The following MID1 variants were observed in gnomAD, a reference collection of about 807,000 sequenced individuals.
MID1 encodes E3 ubiquitin-protein ligase Midline-1.
Under a neutral mutation model 40.4 loss-of-function variants are expected in MID1, and 7 were observed. The ratio of observed to expected loss-of-function variants is 0.17; its 90% CI spans 0.10 to 0.33. The LOEUF is 0.33. Among genes scored for constraint, MID1 ranks in the 10% least tolerant of loss-of-function variants. The probability of loss-of-function intolerance (pLI) is 1.00; values close to 1 mark genes in which losing one functional copy is unlikely to be tolerated. For synonymous variants in MID1, 229 were observed against 221.2 expected, an observed-to-expected ratio of 1.04 and a Z score of -0.31; for missense variants, 367 against 558.5, an observed-to-expected ratio of 0.66 and a Z score of 3.46.
At chrX:10,696,235 G>GA (rs757883644) in intron 1 of MID1, among the ~76,000 whole-genome samples, 7 of 111,527 alleles carry the variant, frequency 6.3e-5, no homozygotes, top group Non-Finnish European at 1.3e-4. Flanking sequence ...CTAGAAAAGG[G>GA]AAAAATGCCT....
chrX:10,535,004 T>C (rs1242046603), intron 2 of MID1, among the ~76,000 whole-genome samples: 3 of 112,517 alleles, frequency 2.7e-5, no homozygotes, highest in African/African-American at 9.7e-5. Context: ...ACTCAGCCAT[T>C]TCCTCAACCT....
intron 8 of MID1, among the ~76,000 whole-genome samples, chrX:10,458,532 G>A (rs1928822122): frequency 8.9e-6 from 1 of 111,783 alleles, no homozygotes; most frequent in Admixed American, 9.5e-5. Flanking sequence ...GTTAATATTT[G>A]GGCAAACTGG....
chrX:10,763,146 T>G (rs1410532974), intron 1 of MID1, among the ~76,000 whole-genome samples: 2 of 110,476 alleles, frequency 1.8e-5, no homozygotes, highest in Non-Finnish European at 3.8e-5. Flanking sequence ...GTTTTTTTTT[T>G]TTTGCCCTTT....
chrX:10,495,020 G>A (rs977972486), intron 4 of MID1, among the ~76,000 whole-genome samples: 9 of 110,824 alleles, frequency 8.1e-5, no homozygotes, highest in Admixed American at 5.8e-4. Flanking sequence ...TAAAACAATA[G>A]GAAATTAAAA....
intron 1 of MID1, among the ~76,000 whole-genome samples, chrX:10,723,509 G>A (rs2043370882): frequency 8.8e-6 from 1 of 113,091 alleles, no homozygotes; most frequent in Non-Finnish European, 1.9e-5. Context: ...TTTTTAAAAT[G>A]TCATTTCAGG....
chrX:10,696,339 A>ACTGT (rs2043163759), intron 1 of MID1, among the ~76,000 whole-genome samples: 1 of 111,986 alleles, frequency 8.9e-6, no homozygotes, highest in Non-Finnish European at 1.9e-5. Context: ...AGCCCTCCCC[A>ACTGT]AGGGAAGAAG....
At chrX:10,623,328 AG>A (rs1352879883), upstream of MID1, among the ~76,000 whole-genome samples, 113 of 109,362 alleles carry the variant, frequency 1.0e-3, no homozygotes, top group Middle Eastern at 4.7e-3. Context: ...GAAGGAAGGA[AG>A]GAAGGAAGGG....
chrX:10,469,432 TTC>T (rs1412101854), intron 7 of MID1: 1 of 1,083,298 alleles, frequency 9.2e-7, no homozygotes, highest in Non-Finnish European at 1.2e-6. Context: ...ATATATTTGT[TTC>T]TCTCTATATA....
At chrX:10,487,957 T>C (rs1312439979) in intron 4 of MID1, among the ~76,000 whole-genome samples, 2 of 109,877 alleles carry the variant, frequency 1.8e-5, no homozygotes, top group Non-Finnish European at 3.8e-5. Context: ...ACAAGTAAAA[T>C]TAACATGAAA....
chrX:10,684,408 C>CTTT (rs749267236), intron 1 of MID1, among the ~76,000 whole-genome samples: 1 of 92,375 alleles, frequency 1.1e-5, no homozygotes, highest in African/African-American at 4.1e-5. Flanking sequence ...TCTTTCTTTT[C>CTTT]TTTTTTTTTT....
intron 2 of MID1, among the ~76,000 whole-genome samples, chrX:10,526,450 C>T (rs1932834227): frequency 9.0e-6 from 1 of 111,498 alleles, no homozygotes; most frequent in African/African-American, 3.3e-5. Context: ...ACCATTATAA[C>T]GTATATTTGT....
At chrX:10,739,622 A>G (rs980006280) in intron 1 of MID1, among the ~76,000 whole-genome samples, 5 of 112,199 alleles carry the variant, frequency 4.5e-5, no homozygotes, top group Admixed American at 9.5e-5. Context: ...GAATGATTCA[A>G]TCATCTCTTG....
intron 2 of MID1, among the ~76,000 whole-genome samples, chrX:10,539,069 T>C (rs1480064314): frequency 8.9e-6 from 1 of 112,487 alleles, no homozygotes; most frequent in African/African-American, 3.2e-5. Context: ...GACCATGCAA[T>C]AAATCTTAGA....
At chrX:10,579,403 G>A (rs752761935) in intron 1 of MID1, among the ~76,000 whole-genome samples, 28 of 111,762 alleles carry the variant, frequency 2.5e-4, no homozygotes, top group Middle Eastern at 4.6e-3. Context: ...CCAACCAGGA[G>A]CAAAATAGTT....
intron 1 of MID1, among the ~76,000 whole-genome samples, chrX:10,615,056 T>A (rs563579988): frequency 1.8e-5 from 2 of 112,227 alleles, no homozygotes; most frequent in South Asian, 7.4e-4. Context: ...AAGTCATAAA[T>A]TTCTACAAAT....
At chrX:10,735,866 A>G (rs931660428) in intron 1 of MID1, among the ~76,000 whole-genome samples, 3 of 110,256 alleles carry the variant, frequency 2.7e-5, no homozygotes, top group Non-Finnish European at 5.7e-5. Context: ...AAGTTTCTAA[A>G]ATATTTTCCC....
At chrX:10,750,359 T>C (rs112825324) in intron 1 of MID1, among the ~76,000 whole-genome samples, 11,609 of 111,247 alleles carry the variant, frequency 0.1, 1,473 homozygotes, top group African/African-American at 0.36. Context: ...ATCCCAGGCA[T>C]GGTGGCTCAT....
intron 1 of MID1, among the ~76,000 whole-genome samples, chrX:10,730,106 G>A (rs1449936629): frequency 4.7e-5 from 5 of 106,265 alleles, no homozygotes; most frequent in East Asian, 5.9e-4. Flanking sequence ...ATAAATAAAT[G>A]AATAAATAAA....
chrX:10,553,380 T>C (rs749507068), intron 2 of MID1, among the ~76,000 whole-genome samples: 11 of 111,834 alleles, frequency 9.8e-5, no homozygotes, highest in African/African-American at 2.6e-4. Flanking sequence ...AATTTAAATC[T>C]ACAATTCTGA....
Sources: gnomAD v4.1 joint callset for allele counts (sites outside exome capture counted in the v4.1 genomes callset) on GRCh38, gnomAD v4.1.1 for gene constraint, MANE v1.5 for transcripts, NCBI Gene and HGNC (gene_info 2026-07-23, HGNC 2026-07-21) for gene names.